MACROD2: variants seen among roughly 807,000 people sequenced by gnomAD.
MACROD2 encodes the protein ADP-ribose glycohydrolase MACROD2.
Under a neutral mutation model 70.4 loss-of-function variants are expected in MACROD2, and 36 were observed. The observed-to-expected ratio is 0.51, with a 90% CI of 0.39 to 0.68. The LOEUF (loss-of-function observed/expected upper bound fraction) is 0.68. Among genes scored for constraint, MACROD2 ranks in the 30% least tolerant of loss-of-function variants. The pLI is 0.00. For missense variants in MACROD2, 496 were observed against 538.4 expected (o/e 0.92, Z 0.78); for synonymous variants, 172 against 178.8 (o/e 0.96, Z 0.30).
chr20:15,899,351 T>C (rs914489407), intron 10 of MACROD2, among the ~76,000 whole-genome samples: 1 of 152,162 alleles, frequency 6.6e-6, no homozygotes, highest in Non-Finnish European at 1.5e-5. Flanking sequence ...TACACATACA[T>C]ACATTTCTAA....
chr20:14,714,569 C>G (rs1347874103), intron 5 of MACROD2, among the ~76,000 whole-genome samples: 1 of 152,232 alleles, frequency 6.6e-6, no homozygotes, highest in Non-Finnish European at 1.5e-5. Flanking sequence ...TCTCATCCTT[C>G]ACCCTGCTCA....
chr20:14,558,776 AT>A (rs1384258814), intron 4 of MACROD2, among the ~76,000 whole-genome samples: 1 of 151,760 alleles, frequency 6.6e-6, no homozygotes, highest in Non-Finnish European at 1.5e-5. Flanking sequence ...AAACTAAAAG[AT>A]TTATGTCTAT....
chr20:14,319,631 A>G (rs1008923188), intron 3 of MACROD2, among the ~76,000 whole-genome samples: 77 of 152,206 alleles, frequency 5.1e-4, no homozygotes, highest in African/African-American at 1.8e-3. Context: ...ATAATCCCCA[A>G]GGGTCACCTC....
chr20:14,752,701 C>T (rs982864699), intron 5 of MACROD2, among the ~76,000 whole-genome samples: 2 of 152,184 alleles, frequency 1.3e-5, no homozygotes, highest in Middle Eastern at 3.4e-3. Context: ...GACCTATATG[C>T]ATTTTTGTCC....
chr20:14,912,242 T>A (rs2074036969), intron 5 of MACROD2, among the ~76,000 whole-genome samples: 1 of 152,210 alleles, frequency 6.6e-6, no homozygotes, highest in African/African-American at 2.4e-5. Flanking sequence ...CCTGTGAGGC[T>A]AACATCACTC....
chr20:15,043,994 ACT>A, intron 5 of MACROD2, among the ~76,000 whole-genome samples: 1 of 151,992 alleles, frequency 6.6e-6, no homozygotes, highest in Non-Finnish European at 1.5e-5. Flanking sequence ...CACCCCTGAA[ACT>A]CTCTGCACTC....
intron 5 of MACROD2, among the ~76,000 whole-genome samples, chr20:14,799,487 A>C (rs1318027957): frequency 6.6e-6 from 1 of 152,150 alleles, no homozygotes; most frequent in African/African-American, 2.4e-5. Context: ...AGCATAGATG[A>C]TGTTGAGTTC....
At chr20:15,134,266 G>A (rs1419503401) in intron 5 of MACROD2, among the ~76,000 whole-genome samples, 1 of 147,506 alleles carries the variant, frequency 6.8e-6, no homozygotes, top group Non-Finnish European at 1.5e-5. Flanking sequence ...GCTCACACCT[G>A]TAATCTCAGC....
At chr20:14,811,117 C>T (rs7272878) in intron 5 of MACROD2, among the ~76,000 whole-genome samples, 1 of 152,018 alleles carries the variant, frequency 6.6e-6, no homozygotes, top group East Asian at 1.9e-4. Flanking sequence ...CAAAAAAGAG[C>T]CCATATAGCC....
chr20:14,371,847 A>G (rs552645284), intron 3 of MACROD2, among the ~76,000 whole-genome samples: 1 of 151,638 alleles, frequency 6.6e-6, no homozygotes, highest in African/African-American at 2.4e-5. Context: ...GAAGAATGGG[A>G]ATGAAGATTC....
chr20:15,326,346 A>G (rs906716732), intron 6 of MACROD2, among the ~76,000 whole-genome samples: 1 of 152,144 alleles, frequency 6.6e-6, no homozygotes, highest in African/African-American at 2.4e-5. Context: ...ATTCATAGAT[A>G]TGTTAAAATA....
At chr20:15,582,484 CTG>C (rs532218402) in intron 8 of MACROD2, among the ~76,000 whole-genome samples, 64 of 152,264 alleles carry the variant, frequency 4.2e-4, no homozygotes, top group African/African-American at 1.4e-3. Flanking sequence ...ATATCTGTAA[CTG>C]AGAGTGCTTG....
chr20:15,546,799 A>C (rs559795444), intron 8 of MACROD2, among the ~76,000 whole-genome samples: 5 of 152,302 alleles, frequency 3.3e-5, no homozygotes, highest in African/African-American at 1.2e-4. Flanking sequence ...CTATTTTACC[A>C]CGTGACGCTT....
intron 8 of MACROD2, among the ~76,000 whole-genome samples, chr20:15,610,217 A>G (rs1174826752): frequency 1.3e-5 from 2 of 152,230 alleles, no homozygotes; most frequent in Non-Finnish European, 2.9e-5. Context: ...AACCGTTGCC[A>G]CTTTATCTCT....
intron 8 of MACROD2, among the ~76,000 whole-genome samples, chr20:15,837,165 A>G (rs1042316794): frequency 6.6e-6 from 1 of 152,180 alleles, no homozygotes; most frequent in African/African-American, 2.4e-5. Flanking sequence ...ATATTAAAGG[A>G]AGCCCCCTTT....
At position 14,741,176 on chromosome 20, in the gene MACROD2, A is replaced by T. The variant is rs368284810; in HGVS notation, c.418+56217A>T. On this transcript the variant is annotated intron_variant, in intron 5 of 17. Coordinates refer to ENST00000684519, the MANE Select transcript of MACROD2 (RefSeq NM_001351661.2). ...CAAGTGAGGAGAAGTTCAGAATTTGAATTATTTTTATCGATATTCACACAT... is the reference window on the plus strand; with the variant it reads ...CAAGTGAGGAGAAGTTCAGAATTTGTATTATTTTTATCGATATTCACACAT... 7.2e-5 allele frequency among the ~76,000 whole-genome samples: 11 copies of T among 152,290 alleles called. No individual in the cohort carries two copies. In the East Asian group the frequency reaches 7.7e-4, roughly 11 times the overall value.
intron 3 of MACROD2, among the ~76,000 whole-genome samples, chr20:14,382,416 C>T (rs926701390): frequency 1.3e-5 from 2 of 151,754 alleles, no homozygotes; most frequent in Admixed American, 6.6e-5. Flanking sequence ...CGCCTGTAAT[C>T]CCAGCACTTT....
At chr20:15,848,519 G>A (rs2064260363) in intron 8 of MACROD2, among the ~76,000 whole-genome samples, 1 of 152,066 alleles carries the variant, frequency 6.6e-6, no homozygotes, top group Non-Finnish European at 1.5e-5. Flanking sequence ...GGGCATTTTG[G>A]GCATCATCCC....
At chr20:15,087,355 G>A (rs1339725244) in intron 5 of MACROD2, among the ~76,000 whole-genome samples, 1 of 151,970 alleles carries the variant, frequency 6.6e-6, no homozygotes, top group African/African-American at 2.4e-5. Context: ...CATGGTATTA[G>A]CACACTAGTA....
Sources: allele counts gnomAD v4.1 joint callset (sites outside exome capture counted in the v4.1 genomes callset), GRCh38; gene constraint gnomAD v4.1.1; transcripts MANE v1.5; gene names NCBI Gene and HGNC (gene_info 2026-07-23, HGNC 2026-07-21).